Variants in CENATAC observed in about 807,000 individuals in gnomAD.
CENATAC encodes coiled-coil domain containing 84.
Under a neutral mutation model 53.7 loss-of-function variants are expected in CENATAC, and 53 were observed. That is an observed-to-expected ratio of 0.99 (90% CI 0.79 to 1.24). CENATAC has a LOEUF of 1.24. CENATAC is among the 50% of genes most tolerant of loss of function. The probability of loss-of-function intolerance (pLI) is 0.00; values close to 1 mark genes in which losing one functional copy is unlikely to be tolerated. For missense variants in CENATAC, 474 were observed against 417.8 expected (o/e 1.13, Z -1.17); for synonymous variants, 156 against 144.6 (o/e 1.08, Z -0.57).
Position 119,010,748 on chromosome 11 carries a change from C to T in CENATAC, c.384-16C>T, listed in dbSNP as rs1260363233. On this transcript the variant is annotated splice_polypyrimidine_tract_variant and intron_variant, in intron 3 of 10. Transcript: ENST00000334418. The stretch of plus-strand genomic sequence containing the variant: ...GGGGAATGGGTTCTGGGTGGTTTTG[C>T]CCCTTTTCTTTTTAGATTCAAGAAA... The T allele has an allele frequency of 6.2e-7, 1 of 1,613,386 alleles. No individual in the cohort carries two copies. Among genetic ancestry groups the T allele is most frequent in the Admixed American group, 1.7e-5 (1 of 59,922 alleles).
chr11:119,002,278 C>A (rs1942344473), intron 3 of CENATAC, among the ~76,000 whole-genome samples: 2 of 148,732 alleles, frequency 1.3e-5, no homozygotes, highest in Non-Finnish European at 3.0e-5. Flanking sequence ...TTAGTGTAAC[C>A]AGTTGGTGTG....
intron 7 of CENATAC, chr11:119,012,831 G>A (rs1048315175): frequency 1.1e-5 from 2 of 175,980 alleles, no homozygotes; most frequent in African/African-American, 4.7e-5. Context: ...TAGCTCAAAT[G>A]TCACTTTTTC....
At chr11:119,012,327 T>C in intron 7 of CENATAC, 73 bp downstream of exon 7, 2 of 1,540,462 alleles carry the variant, frequency 1.3e-6, no homozygotes, top group Non-Finnish European at 1.8e-6. Flanking sequence ...CCTGATTTTC[T>C]ACCTATTCAA....
At chr11:118,998,632 A>G in intron 2 of CENATAC, 39 bp downstream of exon 2, 1 of 1,546,836 alleles carries the variant, frequency 6.5e-7, no homozygotes. Context: ...GCACAGACGC[A>G]TACATATACG....
intron 3 of CENATAC, among the ~76,000 whole-genome samples, chr11:118,999,850 G>A (rs950697462): frequency 1.3e-5 from 2 of 152,250 alleles, no homozygotes; most frequent in South Asian, 4.1e-4. Flanking sequence ...CACCGTGTTA[G>A]CCAGGATGGT....
chr11:119,005,894 AT>A (rs1366849663), intron 3 of CENATAC: 1 of 147,794 alleles, frequency 6.8e-6, no homozygotes, highest in East Asian at 2.0e-4. Flanking sequence ...ACAGTCCATT[AT>A]TATTATGTGC....
In CENATAC at chr11:118,999,139, C is replaced by G. The variant is rs1013312169; in HGVS notation, c.383+30C>G. ...GTCACTGGTATGGAACGTGAAGTAGCAGAGTGAATTCTCTGGATCTTTGTC... is the reference window on the plus strand; with the variant it reads ...GTCACTGGTATGGAACGTGAAGTAGGAGAGTGAATTCTCTGGATCTTTGTC... On this transcript the variant is annotated intron_variant, in intron 3 of 10. Coordinates refer to ENST00000334418, the MANE Select transcript of CENATAC (RefSeq NM_198489.3). The G allele has an allele frequency of 2.0e-6, 3 of 1,499,390 alleles. No individual in the cohort carries two copies. The African/African-American group carries it at 4.1e-5, about 21-fold the overall frequency. 92.9% of individuals were successfully genotyped at this position (1,499,390 alleles called of 1,614,324 possible).
At position 119,011,061 on chromosome 11, in the gene CENATAC, CAGG is replaced by C. The variant is rs1276036813; in HGVS notation, c.451-157_451-155del. 83 of 665,418 alleles carry C rather than the reference CAGG, an allele frequency of 1.2e-4. No homozygotes were observed. The East Asian group carries it at 2.2e-3, about 18-fold the overall frequency. 41.2% of individuals were successfully genotyped at this position (665,418 alleles called of 1,614,324 possible). On this transcript the variant is annotated intron_variant, in intron 4 of 10. Transcript: ENST00000334418. ...GAATGTAACACCACCACTGATCTGA[CAGG>C]AGCTCAGGCGGCAGTGCTGTTGCAG...
chr11:119,002,224 CAAAAAAAAAAAAAA>C (rs782664366), intron 3 of CENATAC, among the ~76,000 whole-genome samples: 2 of 49,536 alleles, frequency 4.0e-5, no homozygotes, highest in African/African-American at 7.3e-5. Flanking sequence ...AACTCTGTCT[CAAAAAAAAAAAAAA>C]AAAAAAAAAA....
chr11:118,998,907 C>A, intron 2 of CENATAC, 104 bp from the exon 3 acceptor site: 1 of 861,570 alleles, frequency 1.2e-6, no homozygotes, highest in Non-Finnish European at 1.9e-6. Context: ...AGCCGTGCCC[C>A]AGGCAGAAAC....
In CENATAC at chr11:119,008,441, T is replaced by TA. The variant is rs561625682; in HGVS notation, c.384-2322dup. Reference sequence around the variant, plus strand: ...CCTGGACGTGCACGTAGGCCAGACTTATGTTTCTCTCCACCCAAACATCTC... The same window carrying TA: ...CCTGGACGTGCACGTAGGCCAGACTTAATGTTTCTCTCCACCCAAACATCTC... On this transcript the variant is annotated intron_variant, in intron 3 of 10. Coordinates refer to ENST00000334418, the MANE Select transcript of CENATAC (RefSeq NM_198489.3). 9.1e-4 allele frequency among the ~76,000 whole-genome samples: 138 copies of TA among 152,330 alleles called. No individual in the cohort carries two copies. The Middle Eastern group carries it at 0.01, about 11-fold the overall frequency.
At chr11:118,998,927 A>G (rs964660393) in intron 2 of CENATAC, 84 bp from the exon 3 acceptor site, 4 of 1,045,262 alleles carry the variant, frequency 3.8e-6, no homozygotes, top group Non-Finnish European at 4.4e-6. Flanking sequence ...CCCAGATGTC[A>G]GTTTGCATTA....
Position 118,998,512 on chromosome 11 carries a change from G to A in CENATAC, c.203G>A (p.Cys68Tyr), listed in dbSNP as rs782453291. Residue 68 changes from cysteine (C) to tyrosine (Y), a missense_variant, in exon 2 of 11, where the codon TGC (cysteine) becomes TAC (tyrosine). Transcript: ENST00000334418. ...PEHERCCWCL[C>Y]CGCEVREHLS... The stretch of plus-strand genomic sequence containing the variant: ...CACGAGCGATGCTGCTGGTGCCTGT[G>A]CTGCGGCTGTGAGGTGCGGGAACAC... The A allele has an allele frequency of 3.7e-6, 6 of 1,611,420 alleles. No individual in the cohort carries two copies. In the South Asian group the frequency reaches 5.5e-5, roughly 15 times the overall value.
At position 119,011,805 on chromosome 11, in the gene CENATAC, G is replaced by A. The variant is rs1942884269; in HGVS notation, c.514-134G>A. 6 of 740,632 alleles carry A rather than the reference G, an allele frequency of 8.1e-6. 1 individual carries two copies. Among genetic ancestry groups the A allele is most frequent in the East Asian group, 5.4e-5 (2 of 36,790 alleles). 45.9% of individuals were successfully genotyped at this position (740,632 alleles called of 1,614,324 possible). On this transcript the variant is annotated intron_variant, in intron 5 of 10. Transcript: ENST00000334418. ...CTGGGAGGGAGGGAGGGAAGAGTCT[G>A]TAAAAGATGGGCAGTACCTTCCATA...
intron 3 of CENATAC, among the ~76,000 whole-genome samples, chr11:119,007,676 A>G (rs954179992): frequency 1.3e-5 from 2 of 151,960 alleles, no homozygotes; most frequent in African/African-American, 4.8e-5. Flanking sequence ...TTTTGTAGAG[A>G]CAGGGTCACT....
chr11:118,998,904 C>T (rs1349157686), intron 2 of CENATAC, 107 bp from the exon 3 acceptor site: 2 of 830,496 alleles, frequency 2.4e-6, no homozygotes, highest in Non-Finnish European at 4.0e-6. Flanking sequence ...CTCAGCCGTG[C>T]CCCAGGCAGA....
At chr11:118,999,987 A>G (rs183302298) in intron 3 of CENATAC, among the ~76,000 whole-genome samples, 8 of 152,250 alleles carry the variant, frequency 5.3e-5, no homozygotes, top group African/African-American at 1.9e-4. Context: ...ATGTTGGCCA[A>G]GTTGGTCACT....
intron 5 of CENATAC, 153 bp downstream of exon 5, chr11:119,011,436 C>G: frequency 1.6e-6 from 1 of 616,504 alleles, no homozygotes; most frequent in East Asian, 3.3e-5. Flanking sequence ...TGCAGTGGCA[C>G]GATCTCGGCT....
chr11:119,015,522 C>T lies in CENATAC; in HGVS notation c.939-16C>T, dbSNP rs1565673672. 1 of 1,613,696 alleles carries T rather than the reference C, an allele frequency of 6.2e-7. No homozygotes were observed. The highest frequency in any genetic ancestry group is 8.5e-7 in the Non-Finnish European group (1 of 1,179,588). ...GTCACCCTTCATCATCGTGTTAACC[C>T]TTTATTTCCTTTCAGACATCAATTC... On this transcript the variant is annotated splice_polypyrimidine_tract_variant and intron_variant, in intron 10 of 10. Transcript: ENST00000334418.
Sources: gnomAD v4.1 joint callset for allele counts (sites outside exome capture counted in the v4.1 genomes callset) on GRCh38, gnomAD v4.1.1 for gene constraint, MANE v1.5 for transcripts, NCBI Gene and HGNC (gene_info 2026-07-23, HGNC 2026-07-21) for gene names.